Variants in GPR158 observed in about 807,000 individuals in gnomAD.
GPR158 encodes metabotropic glycine receptor.
A neutral mutation model predicts 78.2 loss-of-function variants in GPR158; 30 were observed. The ratio of observed to expected loss-of-function variants is 0.38; its 90% CI spans 0.29 to 0.52. The LOEUF (loss-of-function observed/expected upper bound fraction) is 0.52. Among genes scored for constraint, GPR158 ranks in the 20% least tolerant of loss-of-function variants. GPR158 has a pLI of 0.83. For synonymous variants in GPR158, 581 were observed against 591.1 expected, an observed-to-expected ratio of 0.98 and a Z score of 0.25; for missense variants, 1,463 against 1,523.5, an observed-to-expected ratio of 0.96 and a Z score of 0.66.
Position 25,252,483 on chromosome 10 carries a change from G to T in GPR158, c.1008+31326G>T, listed in dbSNP as rs796274124. 9.5e-3 allele frequency among the ~76,000 whole-genome samples: 1,414 copies of T among 148,212 alleles called. 20 individuals are homozygous for T. Among genetic ancestry groups the T allele is most frequent in the African/African-American group, 0.031 (1,183 of 38,346 alleles). ...GTCTTTGATGATGGTGATGTACAGAGGGGTTTTTGGTGTGGATGTCCTTTC... is the reference window on the plus strand; with the variant it reads ...GTCTTTGATGATGGTGATGTACAGATGGGTTTTTGGTGTGGATGTCCTTTC... On this transcript the variant is annotated intron_variant, in intron 2 of 10. Coordinates refer to ENST00000376351, the MANE Select transcript of GPR158 (RefSeq NM_020752.3).
chr10:25,250,628 T>G (rs2130720467), intron 2 of GPR158, among the ~76,000 whole-genome samples: 1 of 150,076 alleles, frequency 6.7e-6, no homozygotes, highest in Admixed American at 6.6e-5. Flanking sequence ...CGGCTTTGAG[T>G]GAGATTCTTA....
chr10:25,582,637 G>C (rs371124592), intron 7 of GPR158, among the ~76,000 whole-genome samples: 2 of 152,232 alleles, frequency 1.3e-5, no homozygotes, highest in East Asian at 1.9e-4. Flanking sequence ...ATGATTGACT[G>C]TGTTACTCCC....
intron 2 of GPR158, among the ~76,000 whole-genome samples, chr10:25,292,645 G>A (rs12248408): frequency 0.13 from 19,371 of 151,994 alleles, 1,776 homozygotes; most frequent in African/African-American, 0.25. Context: ...AAAAATAAAT[G>A]AGGTCTTTAA....
chr10:25,424,863 G>A (rs546322021), intron 4 of GPR158, among the ~76,000 whole-genome samples: 5 of 152,256 alleles, frequency 3.3e-5, no homozygotes, highest in Non-Finnish European at 5.9e-5. Flanking sequence ...TCTTGGCAAT[G>A]CGGGCTCTTT....
At chr10:25,204,421 A>G (rs1422834603) in intron 1 of GPR158, among the ~76,000 whole-genome samples, 2 of 152,126 alleles carry the variant, frequency 1.3e-5, no homozygotes. Flanking sequence ...ATTTTGAGAG[A>G]TGTTCTATCA....
chr10:25,252,253 G>A (rs1342799838), intron 2 of GPR158, among the ~76,000 whole-genome samples: 2 of 150,796 alleles, frequency 1.3e-5, no homozygotes. Context: ...TTTGCCTTTG[G>A]TTTGAATGTC....
At chr10:25,387,707 G>C (rs1834241690) in intron 2 of GPR158, among the ~76,000 whole-genome samples, 1 of 151,912 alleles carries the variant, frequency 6.6e-6, no homozygotes, top group Admixed American at 6.6e-5. Flanking sequence ...GCAGAGACAG[G>C]GTTTCACCAT....
At chr10:25,212,512 C>T (rs1480219610) in intron 1 of GPR158, among the ~76,000 whole-genome samples, 2 of 151,916 alleles carry the variant, frequency 1.3e-5, no homozygotes, top group Non-Finnish European at 2.9e-5. Context: ...AGATCCAAAC[C>T]ATATCAGTAT....
Position 25,189,861 on chromosome 10 carries a change from T to G in GPR158, c.902+13539T>G, listed in dbSNP as rs1852748642. Among the ~76,000 whole-genome samples, 6 of 147,142 alleles carry G rather than the reference T, an allele frequency of 4.1e-5. No individual in the cohort carries two copies. In the South Asian group the frequency reaches 1.3e-3, roughly 32 times the overall value. ...GTGTGTGTGTGTGTGTGTGTGTGTGTGTGTGTGTGTGTATGTGTATGTACC... is the reference window on the plus strand; with the variant it reads ...GTGTGTGTGTGTGTGTGTGTGTGTGGGTGTGTGTGTGTATGTGTATGTACC... On this transcript the variant is annotated intron_variant, in intron 1 of 10. Transcript: ENST00000376351.
At chr10:25,215,706 G>A (rs372195574) in intron 1 of GPR158, among the ~76,000 whole-genome samples, 6 of 151,844 alleles carry the variant, frequency 4.0e-5, no homozygotes, top group East Asian at 3.9e-4. Flanking sequence ...GTGGTGGTGC[G>A]CACCTGTAGT....
At chr10:25,385,211 T>C (rs148291495) in intron 2 of GPR158, among the ~76,000 whole-genome samples, 270 of 152,314 alleles carry the variant, frequency 1.8e-3, no homozygotes, top group African/African-American at 6.2e-3. Flanking sequence ...GGTGGTATCA[T>C]AGAGTATTTG....
intron 4 of GPR158, among the ~76,000 whole-genome samples, chr10:25,455,938 C>G (rs1385166100): frequency 6.6e-6 from 1 of 151,968 alleles, no homozygotes; most frequent in Non-Finnish European, 1.5e-5. Context: ...TTTATGATAC[C>G]CATTTGGCAG....
intron 1 of GPR158, among the ~76,000 whole-genome samples, chr10:25,185,561 C>T (rs1223630007): frequency 1.3e-5 from 2 of 152,160 alleles, no homozygotes; most frequent in Non-Finnish European, 2.9e-5. Flanking sequence ...TGGTGGCTCA[C>T]GCCTGTAATC....
intron 5 of GPR158, among the ~76,000 whole-genome samples, chr10:25,521,361 G>C (rs960334643): frequency 1.3e-5 from 2 of 152,306 alleles, no homozygotes; most frequent in South Asian, 4.1e-4. Flanking sequence ...GGCCGGAGCT[G>C]TTCCTATTCG....
chr10:25,370,290 C>G (rs1481338678), intron 2 of GPR158, among the ~76,000 whole-genome samples: 1 of 148,238 alleles, frequency 6.7e-6, no homozygotes, highest in East Asian at 2.0e-4. Context: ...TTCCTGCTTT[C>G]TCTTGTGGGC....
At chr10:25,374,325 C>G (rs1375654133) in intron 2 of GPR158, among the ~76,000 whole-genome samples, 5 of 151,480 alleles carry the variant, frequency 3.3e-5, no homozygotes, top group African/African-American at 1.2e-4. Flanking sequence ...ATTCATCACT[C>G]TGTATTCCCC....
chr10:25,240,244 C>CA (rs1853585220), intron 2 of GPR158, among the ~76,000 whole-genome samples: 1 of 152,202 alleles, frequency 6.6e-6, no homozygotes, highest in Non-Finnish European at 1.5e-5. Context: ...CACAGTGGCT[C>CA]ATGCCTGTAA....
chr10:25,266,282 AC>A (rs1176733303), intron 2 of GPR158, among the ~76,000 whole-genome samples: 1 of 152,148 alleles, frequency 6.6e-6, no homozygotes, highest in Non-Finnish European at 1.5e-5. Flanking sequence ...TTTGTCATTC[AC>A]TTCATGAGGG....
chr10:25,261,919 G>A (rs11014476), intron 2 of GPR158, among the ~76,000 whole-genome samples: 6,771 of 152,034 alleles, frequency 0.045, 335 homozygotes, highest in East Asian at 0.25. Context: ...TTACTAAAAC[G>A]CTGTTTTATG....
Sources: gnomAD v4.1 joint callset for allele counts (sites outside exome capture counted in the v4.1 genomes callset) on GRCh38, gnomAD v4.1.1 for gene constraint, MANE v1.5 for transcripts, NCBI Gene and HGNC (gene_info 2026-07-23, HGNC 2026-07-21) for gene names.